Variants in TRIM65 observed in about 807,000 individuals in gnomAD.
TRIM65 encodes E3 ubiquitin-protein ligase TRIM65.
TRIM65 carries 46 observed loss-of-function variants against 36.1 expected under a neutral mutation model. The ratio of observed to expected loss-of-function variants is 1.27; its 90% CI spans 1.01 to 1.63. TRIM65 has a LOEUF of 1.63. Ranked by LOEUF, TRIM65 falls within the 40% of genes most tolerant of loss-of-function variation. The pLI is 0.00. For missense variants in TRIM65, 708 were observed against 696.6 expected (o/e 1.02, Z -0.18); for synonymous variants, 346 against 313.6 (o/e 1.10, Z -1.09).
Position 75,891,205 on chromosome 17 carries a change from GGCACAT to G in TRIM65, c.1122_1127del (p.Gln374_Ala376delinsHis). On this transcript the variant is annotated inframe_deletion, in exon 6 of 6. Coordinates refer to ENST00000269383, the MANE Select transcript of TRIM65 (RefSeq NM_173547.4). Reference sequence around the variant, plus strand: ...AGTGGTGCCCGGCCTGGAAGCTCTGGGCACATTGCACCTGCCAGAGCTCAAAGCTGC... The same window carrying G: ...AGTGGTGCCCGGCCTGGAAGCTCTGGTGCACCTGCCAGAGCTCAAAGCTGC... 3 of 1,612,304 alleles carry G rather than the reference GGCACAT, an allele frequency of 1.9e-6. No individual in the cohort carries two copies. The highest frequency in any genetic ancestry group is 2.5e-6 in the Non-Finnish European group (3 of 1,179,990).
At chr17:75,892,653 C>A in intron 2 of TRIM65, 102 bp downstream of exon 2, 1 of 1,288,684 alleles carries the variant, frequency 7.8e-7, no homozygotes, top group Admixed American at 2.0e-5. Flanking sequence ...CAGCTCCCTG[C>A]TCAGCCCCGC....
intron 1 of TRIM65, among the ~76,000 whole-genome samples, chr17:75,895,357 T>G (rs1599464974): frequency 6.6e-6 from 1 of 152,086 alleles, no homozygotes; most frequent in African/African-American, 2.4e-5. Context: ...GTGATCAGTC[T>G]CCATGAAGCC....
At position 75,891,073 on chromosome 17, in the gene TRIM65, G is replaced by A. The variant is rs1369784768; in HGVS notation, c.1260C>T (p.Pro420=). Residue 420 remains proline (P), a synonymous_variant, in exon 6 of 6, where the codon CCC becomes CCT. Coordinates refer to ENST00000269383, the MANE Select transcript of TRIM65 (RefSeq NM_173547.4). ...CCTGGACGCAGAGCCCCCAGGAGCA[G>A]GGTCCCCGGCCAATGTTGTCTGTGT... ...GPHTDNIGRG[P]CSWGLCVQED... is the part of the protein sequence containing the mutation. 6 of 1,611,804 alleles carry A rather than the reference G, an allele frequency of 3.7e-6. No individual in the cohort carries two copies. The highest frequency in any genetic ancestry group is 3.4e-6 in the Non-Finnish European group (4 of 1,179,848).
At chr17:75,882,763 C>G (rs188141181) in intron 4 of TRIM65, among the ~76,000 whole-genome samples, 1 of 150,576 alleles carries the variant, frequency 6.6e-6, no homozygotes, top group Admixed American at 6.6e-5. Context: ...AGAATTTAAG[C>G]TCAAGAGGTT....
Position 75,896,542 on chromosome 17 carries a change from G to C in TRIM65, c.396C>G (p.Ala132=), listed in dbSNP as rs758275320. 191 of 1,351,456 alleles carry C rather than the reference G, an allele frequency of 1.4e-4. No individual in the cohort carries two copies. The highest frequency in any genetic ancestry group is 1.7e-4 in the Non-Finnish European group (180 of 1,053,310). The allele number at this position is 1,351,456 out of a possible 1,614,324, so 83.7% of individuals were successfully genotyped here. The change falls in exon 1 of 6, where the codon GCC becomes GCG. Residue 132 remains alanine, a synonymous_variant. Transcript: ENST00000269383. The part of the protein sequence containing the change: ...CRLHERALLD[A]ERLKREAQLR... ...GCGTCACCTCGCGCTTGAGGCGCTC[G>C]GCATCCAGCAGCGCCCGCTCGTGGA...
Position 75,896,623 on chromosome 17 carries a change from G to C in TRIM65, c.315C>G (p.Phe105Leu). Residue 105 changes from phenylalanine to leucine, a missense_variant, in exon 1 of 6, where the codon TTC (phenylalanine) becomes TTG (leucine). Phe to Leu is a conservative substitution (Grantham distance 22). Coordinates refer to ENST00000269383, the MANE Select transcript of TRIM65 (RefSeq NM_173547.4). The stretch of plus-strand genomic sequence containing the variant: ...ACACACAGCGGCCCTCGGTCCGGCA[G>C]AAGAGCTCCAGCGGCCGCCCGTGGC... ...CPRHGRPLELFCRTEGRCVCS... is the reference protein window; with the variant it reads ...CPRHGRPLELLCRTEGRCVCS... 5 of 1,251,996 alleles carry C rather than the reference G, an allele frequency of 4.0e-6. No homozygotes were observed. In the South Asian group the frequency reaches 1.4e-4, roughly 34 times the overall value. 77.6% of individuals were successfully genotyped at this position (1,251,996 alleles called of 1,614,324 possible). A position where few individuals can be genotyped will look rare whatever the true frequency, so the allele number is the denominator to read the frequency against.
chr17:75,896,647 G>A lies in TRIM65; in HGVS notation c.291C>T (p.Arg97=). The change falls in exon 1 of 6, where the codon CGC becomes CGT. Residue 97 remains arginine, a synonymous_variant. Transcript: ENST00000269383. The stretch of plus-strand genomic sequence containing the variant: ...AGAAGAGCTCCAGCGGCCGCCCGTG[G>A]CGGGGGCAGCGCGCGGCAGGGTCGG... ...PGPDPAARCP[R]HGRPLELFCR... 1 of 1,241,210 alleles carries A rather than the reference G, an allele frequency of 8.1e-7. No individual in the cohort carries two copies. The highest frequency in any genetic ancestry group is 1.0e-6 in the Non-Finnish European group (1 of 996,606). 76.9% of individuals were successfully genotyped at this position (1,241,210 alleles called of 1,614,324 possible).
chr17:75,880,147 T>A (rs2065160517), downstream of TRIM65, among the ~76,000 whole-genome samples: 1 of 150,728 alleles, frequency 6.6e-6, no homozygotes, highest in Admixed American at 6.6e-5. Context: ...AAATGCTGTG[T>A]TTCAGTAAGG....
chr17:75,891,774 GCA>G (rs1567844134), intron 5 of TRIM65, 37 bp downstream of exon 5: 2 of 1,584,756 alleles, frequency 1.3e-6, no homozygotes, highest in South Asian at 1.1e-5. Flanking sequence ...CCTTGCACAC[GCA>G]CACACAGGGG....
rs1250151303 is a variant in TRIM65 at position 75,896,653 on chromosome 17, G to T, written c.285C>A (p.Cys95Ter). The T allele has an allele frequency of 8.1e-7, 1 of 1,241,794 alleles. No homozygotes were observed. Among genetic ancestry groups the T allele is most frequent in the Non-Finnish European group, 1.0e-6 (1 of 996,930 alleles). 76.9% of individuals were successfully genotyped at this position (1,241,794 alleles called of 1,614,324 possible). A position where few individuals can be genotyped will look rare whatever the true frequency, so the allele number is the denominator to read the frequency against. Residue 95 changes from cysteine to a stop codon, truncating the protein, a stop_gained, in exon 1 of 6, where the codon TGC (cysteine) becomes TGA (stop). Coordinates refer to ENST00000269383, the MANE Select transcript of TRIM65 (RefSeq NM_173547.4). LOFTEE classifies it high-confidence loss of function. ...PGPGPDPAAR[C>*]PRHGRPLELF... is the part of the protein sequence containing the mutation. ...GCTCCAGCGGCCGCCCGTGGCGGGG[G>T]CAGCGCGCGGCAGGGTCGGGGCCGG...
chr17:75,891,477 G>C, intron 5 of TRIM65, 130 bp from the exon 6 acceptor site: 2 of 982,410 alleles, frequency 2.0e-6, no homozygotes, highest in South Asian at 1.5e-5. Flanking sequence ...TCCTCGCCAC[G>C]ACCTCGCAGG....
chr17:75,891,102 GC>G lies in TRIM65; in HGVS notation c.1230del (p.His412ThrfsTer86). ...SYPQLPRCRL[G>X]PHTDNIGRGP... ...CCCCGGCCAATGTTGTCTGTGTGGG[GC>G]CCCAGCCTGCACCGTGGCAGTTGCG... is the stretch of plus-strand genomic sequence containing the variant. On this transcript the variant is annotated frameshift_variant, in exon 6 of 6. Coordinates refer to ENST00000269383, the MANE Select transcript of TRIM65 (RefSeq NM_173547.4). LOFTEE classifies it low-confidence loss of function (END_TRUNC). The G allele has an allele frequency of 1.2e-6, 2 of 1,609,716 alleles. No homozygotes were observed.
At chr17:75,888,363 AAG>A (rs2065226473), downstream of TRIM65, among the ~76,000 whole-genome samples, 1 of 116,408 alleles carries the variant, frequency 8.6e-6, no homozygotes, top group African/African-American at 3.7e-5. Context: ...AAAAAAAAAA[AAG>A]AAAGAAAGAA....
At chr17:75,892,554 G>C (rs1462290504) in intron 2 of TRIM65, 54 bp from the exon 3 acceptor site, 4 of 1,513,122 alleles carry the variant, frequency 2.6e-6, no homozygotes, top group Non-Finnish European at 3.6e-6. Context: ...GCCATACCAA[G>C]GGAGGCTAGG....
intron 1 of TRIM65, 122 bp downstream of exon 1, chr17:75,896,402 C>A: frequency 8.2e-7 from 1 of 1,217,588 alleles, no homozygotes; most frequent in South Asian, 3.6e-5. Context: ...AAGCCCCTTA[C>A]AGATGAGGCT....
chr17:75,888,571 G>T (rs2065228137), downstream of TRIM65, among the ~76,000 whole-genome samples: 1 of 152,214 alleles, frequency 6.6e-6, no homozygotes, highest in Admixed American at 6.5e-5. Context: ...TGCAGCCTTG[G>T]ATTAGGAGGG....
At chr17:75,885,992 C>T (rs1297640294), downstream of TRIM65, among the ~76,000 whole-genome samples, 7 of 152,182 alleles carry the variant, frequency 4.6e-5, no homozygotes, top group Non-Finnish European at 1.5e-5. Context: ...CCATGATCCC[C>T]ACGTGTCGTG....
intron 1 of TRIM65, 92 bp from the exon 2 acceptor site, chr17:75,892,942 C>G: frequency 8.8e-7 from 1 of 1,139,826 alleles, no homozygotes; most frequent in Non-Finnish European, 1.3e-6. Flanking sequence ...CTGCAGACAC[C>G]AGGCAGCCCC....
rs2065250648 is a variant in TRIM65, at chr17:75,890,617, C to T, written c.*162G>A. 1 of 604,800 alleles carries T rather than the reference C, an allele frequency of 1.7e-6. No homozygotes were observed. Among genetic ancestry groups the T allele is most frequent in the Non-Finnish European group, 2.7e-6 (1 of 366,284 alleles). The allele number at this position is 604,800 out of a possible 1,614,324, so 37.5% of individuals were successfully genotyped here. On this transcript the variant is annotated 3_prime_UTR_variant, in exon 6 of 6. Transcript: ENST00000269383. ...TGTGTCCCCTTCAAAAAGGCTGCAA[C>T]AGTGAACTCTGCGTTTATGCTCACC... is the stretch of plus-strand genomic sequence containing the variant.
Sources: allele counts gnomAD v4.1 joint callset (sites outside exome capture counted in the v4.1 genomes callset), GRCh38; gene constraint gnomAD v4.1.1; transcripts MANE v1.5; gene names NCBI Gene and HGNC (gene_info 2026-07-23, HGNC 2026-07-21).